PRH1: variants seen among roughly 807,000 people sequenced by gnomAD.
The protein encoded by PRH1 is salivary acidic proline-rich phosphoprotein 1/2.
A neutral mutation model predicts 7.9 loss-of-function variants in PRH1; 7 were observed. The observed-to-expected ratio is 0.89, with a 90% CI of 0.50 to 1.67. PRH1 has a LOEUF of 1.67. PRH1 is among the 40% of genes most tolerant of loss of function. The probability of loss-of-function intolerance (pLI) is 0.00; values close to 1 mark genes in which losing one functional copy is unlikely to be tolerated. For synonymous variants in PRH1, 45 were observed against 80.8 expected (o/e 0.56, Z 2.38); for missense variants, 109 against 223.6 (o/e 0.49, Z 3.27).
chr12:11,171,363 C>G, intron 1 of PRH1: 3 of 1,231,774 alleles, frequency 2.4e-6, no homozygotes, highest in Admixed American at 4.2e-5. Context: ...GCTCATGGCC[C>G]CCGCGGCGGC....
intron 2 of PRH1, among the ~76,000 whole-genome samples, chr12:10,900,319 A>G (rs1417685005): frequency 2.0e-5 from 3 of 152,210 alleles, no homozygotes; most frequent in Non-Finnish European, 2.9e-5. Flanking sequence ...ATTGTAAGGG[A>G]AAGACACTGG....
chr12:11,037,762 A>C (rs1450058246), intron 1 of PRH1, among the ~76,000 whole-genome samples: 2 of 152,252 alleles, frequency 1.3e-5, no homozygotes, highest in African/African-American at 4.8e-5. Flanking sequence ...GTTTTAGGTC[A>C]GGTGTGGTGG....
At chr12:11,033,372 AAAACAAAAC>A (rs1942307884) in intron 1 of PRH1, among the ~76,000 whole-genome samples, 3 of 90,042 alleles carry the variant, frequency 3.3e-5, no homozygotes, top group African/African-American at 1.2e-4. Flanking sequence ...GTCAAAAAAC[AAAACAAAAC>A]AAAACAAAAC....
chr12:11,020,624 A>G (rs1197790455), intron 1 of PRH1, among the ~76,000 whole-genome samples: 1 of 151,918 alleles, frequency 6.6e-6, no homozygotes, highest in Non-Finnish European at 1.5e-5. Flanking sequence ...AATACATATC[A>G]TTAATACATT....
intron 1 of PRH1, among the ~76,000 whole-genome samples, chr12:11,068,246 C>T (rs568299279): frequency 2.8e-4 from 43 of 151,054 alleles, no homozygotes; most frequent in African/African-American, 1.0e-3. Flanking sequence ...GATGATCACT[C>T]ATATGTTTCA....
rs1451580689 is a variant in PRH1, at chr12:11,039,085, A to T, written c.-126+7935T>A. Among the ~76,000 whole-genome samples, 8 of 152,264 alleles carry T rather than the reference A, an allele frequency of 5.3e-5. No homozygotes were observed. The East Asian group carries it at 1.3e-3, about 26-fold the overall frequency. On this transcript the variant is annotated intron_variant, in intron 1 of 3. Transcript: ENST00000539853. ...CTCTTAAAAGGACTCAAAGAAAAAA[A>T]TATTGAAATATAAAAATAGTCTACA...
chr12:11,119,906 T>C (rs1945844338), downstream of PRH1, among the ~76,000 whole-genome samples: 1 of 152,362 alleles, frequency 6.6e-6, no homozygotes, highest in Middle Eastern at 3.4e-3. Context: ...GTAACTTTTA[T>C]ATTTTATGGA....
intron 2 of PRH1, among the ~76,000 whole-genome samples, chr12:10,921,247 A>G (rs974053499): frequency 2.0e-5 from 3 of 152,108 alleles, no homozygotes; most frequent in Non-Finnish European, 2.9e-5. Flanking sequence ...TGGAGAAGGT[A>G]AAAATTATGA....
intron 1 of PRH1, among the ~76,000 whole-genome samples, chr12:10,977,866 G>A (rs931157493): frequency 4.0e-5 from 6 of 151,794 alleles, no homozygotes; most frequent in Non-Finnish European, 7.4e-5. Context: ...GTGAAATATC[G>A]CTACAAAGAG....
chr12:10,919,960 C>T lies in PRH1; in HGVS notation c.-58-35685G>A, dbSNP rs925807749. On this transcript the variant is annotated intron_variant, in intron 2 of 3. Coordinates refer to the PRH1 transcript ENST00000539853. ...TGCTCTGTAGCCCAGGCTGGAGTGG[C>T]TCAATTAAGGCTCACTTCAGCCTTG... Among the ~76,000 whole-genome samples, 6 of 148,378 alleles carry T rather than the reference C, an allele frequency of 4.0e-5. No homozygotes were observed. The South Asian group carries it at 1.3e-3, about 32-fold the overall frequency.
At chr12:11,015,379 TA>T (rs1941244103) in intron 1 of PRH1, among the ~76,000 whole-genome samples, 3 of 149,306 alleles carry the variant, frequency 2.0e-5, no homozygotes, top group Admixed American at 6.7e-5. Flanking sequence ...CTTCCAAGTG[TA>T]CTTTCCTTTC....
chr12:10,964,800 AG>A, intron 2 of PRH1: 1 of 580,442 alleles, frequency 1.7e-6, no homozygotes, highest in South Asian at 1.7e-5. Flanking sequence ...AAGGGTATTA[AG>A]TTTGCAAGCG....
chr12:10,930,583 G>A (rs1319208396), intron 2 of PRH1: 2 of 1,585,028 alleles, frequency 1.3e-6, no homozygotes, highest in Non-Finnish European at 1.7e-6. Context: ...GGGGCCGGCC[G>A]TGTGGTGAAG....
intron 2 of PRH1, among the ~76,000 whole-genome samples, chr12:10,944,382 A>T (rs1479920227): frequency 6.6e-6 from 1 of 151,976 alleles, no homozygotes; most frequent in Non-Finnish European, 1.5e-5. Flanking sequence ...TTGTTGGTTT[A>T]TAGGAATACA....
intron 1 of PRH1, among the ~76,000 whole-genome samples, chr12:11,019,187 C>G (rs1381401349): frequency 1.3e-5 from 2 of 152,288 alleles, no homozygotes; most frequent in Admixed American, 6.5e-5. Context: ...TCCCTTTTCT[C>G]TCTTCCACGG....
chr12:11,026,773 A>C (rs1235700326), intron 1 of PRH1, among the ~76,000 whole-genome samples: 1 of 151,954 alleles, frequency 6.6e-6, no homozygotes, highest in East Asian at 1.9e-4. Context: ...TGTCTTCACT[A>C]AGCAGAGCAG....
chr12:11,078,757 T>C (rs1328236888), intron 1 of PRH1: 2 of 152,078 alleles, frequency 1.3e-5, no homozygotes, highest in Non-Finnish European at 2.9e-5. Context: ...TATGGATTTA[T>C]TTTTATGCCA....
upstream of PRH1, chr12:11,048,747 A>G (rs1943015868): frequency 2.9e-6 from 1 of 349,172 alleles, no homozygotes; most frequent in East Asian, 6.3e-5. Context: ...GCTGTATTGC[A>G]TTCCTCAATT....
At chr12:11,088,869 C>G (rs1236236211) in intron 1 of PRH1, among the ~76,000 whole-genome samples, 1 of 110,316 alleles carries the variant, frequency 9.1e-6, no homozygotes, top group African/African-American at 3.0e-5. Flanking sequence ...CTGTAGGAGA[C>G]AGGAGAGCAA....
Sources: gnomAD v4.1 joint callset for allele counts (sites outside exome capture counted in the v4.1 genomes callset) on GRCh38, gnomAD v4.1.1 for gene constraint, MANE v1.5 for transcripts, NCBI Gene and HGNC (gene_info 2026-07-23, HGNC 2026-07-21) for gene names.